Variants in SMO observed in about 807,000 individuals in gnomAD.
SMO encodes the protein smoothened, frizzled class receptor.
In SMO, 40 loss-of-function variants were observed where a neutral mutation model predicts 81.6. The ratio of observed to expected loss-of-function variants is 0.49; its 90% CI spans 0.38 to 0.64. The LOEUF is 0.64. Ranked by LOEUF, SMO falls within the 30% of genes least tolerant of loss-of-function variation. SMO has a pLI of 0.00. For synonymous variants in SMO, 434 were observed against 432.1 expected (o/e 1.00, Z -0.05); for missense variants, 916 against 1,061.1 (o/e 0.86, Z 1.90).
chr7:129,198,102 GTTTTGT>G (rs991644406), intron 1 of SMO, among the ~76,000 whole-genome samples: 37 of 151,988 alleles, frequency 2.4e-4, no homozygotes, highest in African/African-American at 8.7e-4. Context: ...TTAAGCTCAA[GTTTTGT>G]TTTTGTTTTT....
In SMO at chr7:129,211,798, G is replaced by C; in HGVS notation, c.1936+28G>C. On this transcript the variant is annotated intron_variant, in intron 11 of 11. Coordinates refer to ENST00000249373, the MANE Select transcript of SMO (RefSeq NM_005631.5). The surrounding 1 kb of genome is among the most constrained non-coding windows in gnomAD (Gnocchi z 4.6). Reference sequence around the variant, plus strand: ...ATGAGAGTTCAAGCTTCTGGAGGAAGGTGGGGGGAGCACAGAGGCTGGGGG... The same window carrying C: ...ATGAGAGTTCAAGCTTCTGGAGGAACGTGGGGGGAGCACAGAGGCTGGGGG... 1.9e-6 allele frequency: 3 copies of C among 1,613,642 alleles called. No individual in the cohort carries two copies. Among genetic ancestry groups the C allele is most frequent in the Non-Finnish European group, 2.5e-6 (3 of 1,179,692 alleles).
rs2150654093 is a variant in SMO, at chr7:129,210,568, C to T, written c.1652+20C>T. On this transcript the variant is annotated intron_variant, in intron 9 of 11. Coordinates refer to ENST00000249373, the MANE Select transcript of SMO (RefSeq NM_005631.5). This position sits in a 1 kb window ranked among gnomAD's most constrained non-coding sequence, Gnocchi z 4.7. ...GTGCAGGTGGGCATGGCAGCCAGCC[C>T]CTCCTGCCCTGCCCGCCTCACCCTC... 6.3e-7 allele frequency: 1 copy of T among 1,595,338 alleles called. No individual in the cohort carries two copies. The highest frequency in any genetic ancestry group is 8.6e-7 in the Non-Finnish European group (1 of 1,163,602).
intron 1 of SMO, among the ~76,000 whole-genome samples, chr7:129,195,866 T>C (rs559963901): frequency 1.5e-4 from 22 of 151,086 alleles, no homozygotes; most frequent in East Asian, 7.8e-4. Flanking sequence ...CTTTGGGAGG[T>C]CAAGGTGGGC....
At position 129,206,702 on chromosome 7, in the gene SMO, A is replaced by G. The variant is rs1487101435; in HGVS notation, c.1264+115A>G. ...CATGCTGAAACCCCAGCTAGCTCCT[A>G]TAGGGCCTTCACACAGTAGAAGGTG... is the stretch of plus-strand genomic sequence containing the variant. On this transcript the variant is annotated intron_variant, in intron 6 of 11. Transcript: ENST00000249373. This position sits in a 1 kb window ranked among gnomAD's most constrained non-coding sequence, Gnocchi z 4.4. 1.9e-6 allele frequency: 2 copies of G among 1,058,874 alleles called. No individual in the cohort carries two copies. Among genetic ancestry groups the G allele is most frequent in the East Asian group, 5.0e-5 (2 of 40,000 alleles). 65.6% of individuals were successfully genotyped at this position (1,058,874 alleles called of 1,614,324 possible).
intron 1 of SMO, among the ~76,000 whole-genome samples, chr7:129,195,795 G>A (rs1793562936): frequency 6.6e-6 from 1 of 152,006 alleles, no homozygotes; most frequent in Admixed American, 6.6e-5. Context: ...CAACGCCACA[G>A]GTACTATTAA....
intron 1 of SMO, among the ~76,000 whole-genome samples, chr7:129,193,775 AAAAAAAAAAAATATATATATAT>A (rs1793515988): frequency 2.2e-5 from 2 of 89,432 alleles, no homozygotes; most frequent in Non-Finnish European, 4.3e-5. Flanking sequence ...AAAAAAAAAA[AAAAAAAAAAAATATATATATAT>A]ATATATATAT....
At chr7:129,201,991 T>C (rs1793678963) in intron 1 of SMO, among the ~76,000 whole-genome samples, 1 of 152,120 alleles carries the variant, frequency 6.6e-6, no homozygotes, top group African/African-American at 2.4e-5. Flanking sequence ...AACTGGTGAC[T>C]GAATTGAGTC....
chr7:129,189,019 C>T lies in SMO; in HGVS notation c.-133C>T. The T allele has an allele frequency of 2.7e-6, 2 of 742,574 alleles. No individual in the cohort carries two copies. The highest frequency in any genetic ancestry group is 3.6e-6 in the Non-Finnish European group (2 of 549,226). 46.0% of individuals were successfully genotyped at this position (742,574 alleles called of 1,614,324 possible). ...GGGGCGCGCGGAGCGTCCGGGGGGG[C>T]CCGGGCCCGGATTCTCTGGGCGCAC... On this transcript the variant is annotated 5_prime_UTR_variant, in exon 1 of 12. Transcript: ENST00000249373. This position sits in a 1 kb window ranked among gnomAD's most constrained non-coding sequence, Gnocchi z 4.7.
rs541067642 is a variant in SMO, at chr7:129,210,526, A to G, written c.1630A>G (p.Ile544Val). The G allele has an allele frequency of 1.2e-6, 2 of 1,614,098 alleles. No individual in the cohort carries two copies. The highest frequency in any genetic ancestry group is 2.2e-5 in the South Asian group (2 of 91,080). The change falls in exon 9 of 12, where the codon ATC (isoleucine) becomes GTC (valine). Residue 544 changes from isoleucine to valine, a missense_variant. Around this residue, in one of 4 missense-constraint regions of SMO, gnomAD observed 436 missense variants for 570.9 expected, o/e 0.76. Transcript: ENST00000249373. The surrounding 1 kb of genome is among the most constrained non-coding windows in gnomAD (Gnocchi z 4.7). ...GGTCTGGACCAAGGCCACGCTGCTC[A>G]TCTGGAGGCGTACCTGGTGCAGGTG... ...TWVWTKATLLIWRRTWCRLTG... is the reference protein window; with the variant it reads ...TWVWTKATLLVWRRTWCRLTG...
rs762783453 is a variant in SMO at position 129,205,368 on chromosome 7, G to T, written c.703G>T (p.Ala235Ser). 6.2e-7 allele frequency: 1 copy of T among 1,613,148 alleles called. No individual in the cohort carries two copies. The highest frequency in any genetic ancestry group is 1.7e-5 in the Admixed American group (1 of 59,862). The change falls in exon 3 of 12, where the codon GCG becomes TCG. Residue 235 changes from alanine to serine, a missense_variant. Coordinates refer to ENST00000249373, the MANE Select transcript of SMO (RefSeq NM_005631.5). ...AEHQDMHSYI[A>S]AFGAVTGLCT... Reference sequence around the variant, plus strand: ...GCACCAGGACATGCACAGCTACATCGCGGCCTTCGGGGCCGTCACGGGCCT... The same window carrying T: ...GCACCAGGACATGCACAGCTACATCTCGGCCTTCGGGGCCGTCACGGGCCT...
chr7:129,197,541 C>T (rs1793604526), intron 1 of SMO, among the ~76,000 whole-genome samples: 1 of 152,114 alleles, frequency 6.6e-6, no homozygotes, highest in African/African-American at 2.4e-5. Context: ...GATTCTCCTG[C>T]CTCAGCCTCC....
chr7:129,209,449 A>G (rs1469024218), intron 8 of SMO, 52 bp downstream of exon 8: 4 of 1,227,676 alleles, frequency 3.3e-6, no homozygotes, highest in Non-Finnish European at 2.4e-6. Flanking sequence ...CCAAGGCCAT[A>G]AAGACACCCA....
At chr7:129,201,167 C>T (rs1040834439) in intron 1 of SMO, among the ~76,000 whole-genome samples, 2 of 151,906 alleles carry the variant, frequency 1.3e-5, no homozygotes, top group African/African-American at 4.8e-5. Flanking sequence ...CTGCCTCAGC[C>T]TCCTGAGTAG....
intron 1 of SMO, among the ~76,000 whole-genome samples, chr7:129,195,621 CATAAT>C (rs1330040680): frequency 2.0e-5 from 3 of 151,510 alleles, no homozygotes; most frequent in African/African-American, 7.3e-5. Flanking sequence ...ATTATATTGA[CATAAT>C]AGTTATCAAA....
rs918229291 is a variant in SMO at position 129,189,797 on chromosome 7, G to A, written c.331+315G>A. Among the ~76,000 whole-genome samples, 1 of 152,142 alleles carries A rather than the reference G, an allele frequency of 6.6e-6. No individual in the cohort carries two copies. Among genetic ancestry groups the A allele is most frequent in the African/African-American group, 2.4e-5 (1 of 41,452 alleles). On this transcript the variant is annotated intron_variant, in intron 1 of 11. Transcript: ENST00000249373. The surrounding 1 kb of genome is among the most constrained non-coding windows in gnomAD (Gnocchi z 4.7). ...CACGGGAAAAGACATTTTGTAAGAA[G>A]AGGAGATGCTCCACCTATTCTGGAA...
intron 1 of SMO, among the ~76,000 whole-genome samples, chr7:129,203,032 T>C (rs1381685392): frequency 6.6e-6 from 1 of 152,224 alleles, no homozygotes; most frequent in Non-Finnish European, 1.5e-5. Flanking sequence ...ACATCCCATG[T>C]AACCAGTACC....
chr7:129,205,127 C>CCTA, intron 2 of SMO, 76 bp from the exon 3 acceptor site: 2 of 1,314,142 alleles, frequency 1.5e-6, no homozygotes, highest in Middle Eastern at 3.7e-4. Context: ...TGCCATGCTA[C>CCTA]CTAGATACCT....
chr7:129,198,383 T>G (rs1263870374), intron 1 of SMO, among the ~76,000 whole-genome samples: 1 of 152,206 alleles, frequency 6.6e-6, no homozygotes, highest in Non-Finnish European at 1.5e-5. Flanking sequence ...CAACACTGGT[T>G]TTTGTGTCCT....
chr7:129,189,034 T>TC lies in SMO; in HGVS notation c.-117dup. On this transcript the variant is annotated 5_prime_UTR_variant, in exon 1 of 12. An upstream open reading frame in the 5' UTR loses its in-frame stop. Transcript: ENST00000249373. This position sits in a 1 kb window ranked among gnomAD's most constrained non-coding sequence, Gnocchi z 4.7. ...TCCGGGGGGGCCCGGGCCCGGATTC[T>TC]CTGGGCGCACAGGTCGCCTGAGCCG... 1.1e-6 allele frequency: 1 copy of TC among 937,632 alleles called. No individual in the cohort carries two copies. The highest frequency in any genetic ancestry group is 1.4e-6 in the Non-Finnish European group (1 of 727,244). The allele number at this position is 937,632 out of a possible 1,614,324, so 58.1% of individuals were successfully genotyped here.
Sources: gnomAD v4.1 joint callset for allele counts (sites outside exome capture counted in the v4.1 genomes callset) on GRCh38, gnomAD v4.1.1 for gene constraint, gnomAD v4.1.1 regional missense constraint, Gnocchi (gnomAD v3.1) non-coding constraint, MANE v1.5 for transcripts, NCBI Gene and HGNC (gene_info 2026-07-23, HGNC 2026-07-21) for gene names.